The following PLCH2 variants were observed in gnomAD, a reference collection of about 807,000 sequenced individuals.
PLCH2 encodes the protein phospholipase C eta 2.
A neutral mutation model predicts 134.7 loss-of-function variants in PLCH2; 98 were observed. The observed-to-expected ratio is 0.73, with a 90% CI of 0.62 to 0.86. The LOEUF (loss-of-function observed/expected upper bound fraction) is 0.86. Ranked by LOEUF, PLCH2 falls within the 40% of genes least tolerant of loss-of-function variation. PLCH2 has a pLI of 0.00. For synonymous variants in PLCH2, 974 were observed against 827.5 expected (o/e 1.18, Z -3.04); for missense variants, 1,994 against 1,986.6 (o/e 1.00, Z -0.07).
rs1642919972 is a variant in PLCH2, at chr1:2,496,828, CG to C, written c.1936del (p.Ala646ArgfsTer63). 1 of 1,611,544 alleles carries C rather than the reference CG, an allele frequency of 6.2e-7. No homozygotes were observed. Among genetic ancestry groups the C allele is most frequent in the South Asian group, 1.1e-5 (1 of 91,066 alleles). ...SVATHDIEMEAASSWQVSSFS... is the reference protein window; with the variant it reads ...SVATHDIEMEXASSWQVSSFS... ...TGATGCCCGGTCACCGGCGCCACAGCGGCGTCCAGCTGGCAGGTGTCGTCCT... is the reference window on the plus strand; with the variant it reads ...TGATGCCCGGTCACCGGCGCCACAGCGCGTCCAGCTGGCAGGTGTCGTCCT... On this transcript the variant is annotated frameshift_variant and splice_region_variant, in exon 15 of 22. Coordinates refer to ENST00000378486, the MANE Select transcript of PLCH2 (RefSeq NM_014638.4). LOFTEE classifies it high-confidence loss of function.
rs529897590 is a variant in PLCH2, at chr1:2,427,749, T to A, written c.-178+1712T>A. 6.1e-4 allele frequency among the ~76,000 whole-genome samples: 93 copies of A among 152,180 alleles called. 1 individual carries two copies. Among genetic ancestry groups the A allele is most frequent in the African/African-American group, 2.2e-3 (92 of 41,520 alleles). ...ACAGCGTGAGGGGCCACCGCAGGTA[T>A]TGAAACAGAAGCAGCCGGCGAGCCC... is the stretch of plus-strand genomic sequence containing the variant. On this transcript the variant is annotated intron_variant, in intron 1 of 3. Coordinates refer to the PLCH2 transcript ENST00000609981.
In PLCH2 at chr1:2,483,941, T is replaced by TG. The variant is rs1269627946; in HGVS notation, c.646-504dup. Reference sequence around the variant, plus strand: ...GTGTGGGGGGGCGCTGACTCCCGTGTGGGTGGCGCTGACTCCCGTGTGGGG... The same window carrying TG: ...GTGTGGGGGGGCGCTGACTCCCGTGTGGGGTGGCGCTGACTCCCGTGTGGGG... On this transcript the variant is annotated intron_variant, in intron 4 of 21. Coordinates refer to ENST00000378486, the MANE Select transcript of PLCH2 (RefSeq NM_014638.4). Among the ~76,000 whole-genome samples the TG allele has an allele frequency of 3.2e-4, 18 of 56,732 alleles. 4 individuals carry two copies. Among genetic ancestry groups the TG allele is most frequent in the Non-Finnish European group, 4.4e-4 (13 of 29,834 alleles). The allele number at this position is 56,732 out of a possible 152,430, so 37.2% of individuals were successfully genotyped here. A position where few individuals can be genotyped will look rare whatever the true frequency, so the allele number is the denominator to read the frequency against.
At chr1:2,443,564 T>G (rs1639788069) in intron 2 of PLCH2, among the ~76,000 whole-genome samples, 1 of 151,500 alleles carries the variant, frequency 6.6e-6, no homozygotes, top group Non-Finnish European at 1.5e-5. Context: ...AGAAAGTACT[T>G]TGGCTGCGGC....
intron 2 of PLCH2, among the ~76,000 whole-genome samples, chr1:2,436,908 C>G (rs1639449887): frequency 1.3e-5 from 2 of 152,202 alleles, no homozygotes; most frequent in South Asian, 4.1e-4. Flanking sequence ...TAGAGTGTCC[C>G]AAGAGACCAC....
At chr1:2,478,427 CG>C in intron 1 of PLCH2, 48 bp from the exon 2 acceptor site, 1 of 1,595,894 alleles carries the variant, frequency 6.3e-7, no homozygotes, top group Non-Finnish European at 8.6e-7. Flanking sequence ...GTCTCTCCTG[CG>C]AGGAGTGGCT....
intron 4 of PLCH2, among the ~76,000 whole-genome samples, chr1:2,481,525 G>A (rs1026912978): frequency 5.9e-5 from 9 of 152,266 alleles, no homozygotes; most frequent in African/African-American, 7.2e-5. Flanking sequence ...AGGCTCCAGA[G>A]TGGCCTCTGA....
Position 2,504,812 on chromosome 1 carries a change from G to A in PLCH2, c.3850G>A (p.Gly1284Arg). The A allele has an allele frequency of 6.2e-7, 1 of 1,611,194 alleles. No homozygotes were observed. Among genetic ancestry groups the A allele is most frequent in the South Asian group, 1.1e-5 (1 of 91,006 alleles). Residue 1284 changes from glycine (G) to arginine (R), a missense_variant, in exon 22 of 22, where the codon GGA becomes AGA. Physicochemically the swap from Gly to Arg is moderately radical, Grantham distance 125. Transcript: ENST00000378486. Reference sequence around the variant, plus strand: ...ACTGAGCCACAGCCTGGGCCTCCCGGGAGGGACACGGCGGGTGTCGGGGCC... The same window carrying A: ...ACTGAGCCACAGCCTGGGCCTCCCGAGAGGGACACGGCGGGTGTCGGGGCC... ...RRLSHSLGLP[G>R]GTRRVSGPGV...
intron 2 of PLCH2, among the ~76,000 whole-genome samples, chr1:2,461,638 C>T (rs997687538): frequency 6.6e-6 from 1 of 152,178 alleles, no homozygotes; most frequent in African/African-American, 2.4e-5. Context: ...CAGTGACGCC[C>T]ACTGGACACC....
intron 11 of PLCH2, 68 bp downstream of exon 11, chr1:2,491,403 C>G (rs1570453212): frequency 7.8e-6 from 12 of 1,541,562 alleles, no homozygotes; most frequent in Non-Finnish European, 1.1e-5. Flanking sequence ...GTGGGCCAGC[C>G]AGGGCCCCCG....
intron 21 of PLCH2, chr1:2,502,832 G>A (rs892124215): frequency 1.4e-5 from 10 of 717,036 alleles, no homozygotes; most frequent in Non-Finnish European, 2.1e-5. Context: ...GCAACCGGGG[G>A]CCCTGCAGGG....
upstream of PLCH2, among the ~76,000 whole-genome samples, chr1:2,474,281 C>T (rs553640782): frequency 7.8e-4 from 119 of 152,274 alleles, 1 homozygote; most frequent in Admixed American, 2.2e-3. Flanking sequence ...GGGGCACCCC[C>T]GGCTTCACGC....
chr1:2,498,662 C>T lies in PLCH2; in HGVS notation c.2349+15C>T. On this transcript the variant is annotated intron_variant, in intron 17 of 21. Transcript: ENST00000378486. This position sits in a 1 kb window ranked among gnomAD's most constrained non-coding sequence, Gnocchi z 5.4. Reference sequence around the variant, plus strand: ...ACCGTGGGGAGGTGGGGGCCAGCCCCACACAGGCGGGAGGGGTGGGAGTTG... The same window carrying T: ...ACCGTGGGGAGGTGGGGGCCAGCCCTACACAGGCGGGAGGGGTGGGAGTTG... 7.1e-7 allele frequency: 1 copy of T among 1,405,458 alleles called. No individual in the cohort carries two copies. 87.1% of individuals were successfully genotyped at this position (1,405,458 alleles called of 1,614,324 possible).
At chr1:2,499,881 T>C in intron 20 of PLCH2, 161 bp downstream of exon 20, 1 of 645,198 alleles carries the variant, frequency 1.5e-6, no homozygotes, top group South Asian at 1.8e-5. Context: ...GAGGGGCTGC[T>C]GTGGGGGCCT....
the PLCH2 span, among the ~76,000 whole-genome samples, chr1:2,418,985 C>A: frequency 1.3e-5 from 2 of 152,226 alleles, no homozygotes; most frequent in African/African-American, 4.8e-5. Context: ...CGAGAGAGGA[C>A]CTGCTCACCT....
At chr1:2,436,551 C>CCACCTTTCCTCCTTT in intron 2 of PLCH2, among the ~76,000 whole-genome samples, 1 of 48,272 alleles carries the variant, frequency 2.1e-5, no homozygotes, top group South Asian at 8.0e-4. Context: ...CTCCTCCCTT[C>CCACCTTTCCTCCTTT]CTCCCTCCAC....
chr1:2,431,932 T>A (rs2100487646), intron 2 of PLCH2, among the ~76,000 whole-genome samples: 1 of 152,294 alleles, frequency 6.6e-6, no homozygotes. Flanking sequence ...CCCCCACTGA[T>A]GCCAGCTCAG....
At chr1:2,492,449 G>C (rs1295429409) in intron 11 of PLCH2, 18 of 152,284 alleles carry the variant, frequency 1.2e-4, no homozygotes, top group Admixed American at 9.8e-4. Flanking sequence ...GGGTCCAGGA[G>C]AGTGGTCCCC....
chr1:2,491,209 G>A lies in PLCH2; in HGVS notation c.1533G>A (p.Lys511=), dbSNP rs560658032. Residue 511 remains lysine (K), a synonymous_variant, in exon 11 of 22, where the codon AAG becomes AAA. Coordinates refer to ENST00000378486, the MANE Select transcript of PLCH2 (RefSeq NM_014638.4). ...TCCTGCAGGCATCCACCAATCGAAA[G>A]CGTGTAGAAAACACTGCTAAGAGGA... The part of the protein sequence containing the change: ...LLNGDASTNR[K]RVENTAKRKL... 1 of 1,612,674 alleles carries A rather than the reference G, an allele frequency of 6.2e-7. No homozygotes were observed. Among genetic ancestry groups the A allele is most frequent in the Non-Finnish European group, 8.5e-7 (1 of 1,179,692 alleles).
At chr1:2,493,130 G>A (rs1446073460) in intron 11 of PLCH2, 2 of 152,262 alleles carry the variant, frequency 1.3e-5, no homozygotes, top group Non-Finnish European at 2.9e-5. Context: ...CAGCCCCTTG[G>A]AGCATAGTTG....
Sources: gnomAD v4.1 joint callset for allele counts (sites outside exome capture counted in the v4.1 genomes callset) on GRCh38, gnomAD v4.1.1 for gene constraint, Gnocchi (gnomAD v3.1) non-coding constraint, MANE v1.5 for transcripts, NCBI Gene and HGNC (gene_info 2026-07-23, HGNC 2026-07-21) for gene names.